NRXN3: variants seen among roughly 807,000 people sequenced by gnomAD.
NRXN3 encodes neurexin III.
In NRXN3, 32 loss-of-function variants were observed where a neutral mutation model predicts 137.6. The ratio of observed to expected loss-of-function variants is 0.23; its 90% CI spans 0.18 to 0.31. The LOEUF (loss-of-function observed/expected upper bound fraction) is 0.31. NRXN3 is among the 10% of genes least tolerant of loss of function. The probability of loss-of-function intolerance (pLI) is 1.00; values close to 1 mark genes in which losing one functional copy is unlikely to be tolerated. For synonymous variants in NRXN3, 798 were observed against 784.5 expected (o/e 1.02, Z -0.29); for missense variants, 1,574 against 2,062.5 (o/e 0.76, Z 4.59).
Position 78,916,370 on chromosome 14 carries a change from T to C in NRXN3, c.2276-40872T>C, listed in dbSNP as rs762921433. ...GTTCCAAAGAAATAAACCAAGACAG[T>C]TAATGCAGAGTTTTGGTAGAAGGGA... On this transcript the variant is annotated intron_variant, in intron 10 of 20. Coordinates refer to ENST00000335750, the MANE Select transcript of NRXN3 (RefSeq NM_001330195.2). Among the ~76,000 whole-genome samples the C allele has an allele frequency of 3.3e-5, 5 of 152,082 alleles. No individual in the cohort carries two copies. The South Asian group carries it at 1.0e-3, about 32-fold the overall frequency.
intron 6 of NRXN3, among the ~76,000 whole-genome samples, chr14:78,685,450 G>T (rs1431370871): frequency 2.0e-5 from 3 of 151,926 alleles, no homozygotes; most frequent in Non-Finnish European, 4.4e-5. Flanking sequence ...TCTCCAATGT[G>T]CACCTCCTCA....
chr14:78,913,246 TTTTCTTTCTTTCTTTC>T (rs1277509308), intron 10 of NRXN3, among the ~76,000 whole-genome samples: 1 of 112,978 alleles, frequency 8.9e-6, no homozygotes, highest in Non-Finnish European at 1.6e-5. Flanking sequence ...TTTTCCTTTC[TTTTCTTTCTTTCTTTC>T]TTTCTTTCTT....
At chr14:79,410,373 T>C (rs1040871911) in intron 15 of NRXN3, among the ~76,000 whole-genome samples, 2 of 152,056 alleles carry the variant, frequency 1.3e-5, no homozygotes, top group Admixed American at 6.6e-5. Context: ...ATCATCAATG[T>C]ATTATTTATA....
At chr14:79,396,708 G>A (rs543477132) in intron 15 of NRXN3, among the ~76,000 whole-genome samples, 91 of 152,264 alleles carry the variant, frequency 6.0e-4, no homozygotes, top group Non-Finnish European at 9.6e-4. Context: ...AGTCCGCGCT[G>A]TATCTTTTTA....
intron 15 of NRXN3, among the ~76,000 whole-genome samples, chr14:79,177,251 G>A (rs1227780301): frequency 1.3e-5 from 2 of 152,054 alleles, no homozygotes; most frequent in Admixed American, 1.3e-4. Flanking sequence ...AGTCTGGTTG[G>A]CGTTATAAAT....
At chr14:78,816,199 T>G (rs1289809686) in intron 10 of NRXN3, among the ~76,000 whole-genome samples, 1 of 152,170 alleles carries the variant, frequency 6.6e-6, no homozygotes, top group Non-Finnish European at 1.5e-5. Flanking sequence ...TGGTTTATTT[T>G]AAAATAGTTA....
At chr14:78,756,246 A>C (rs1595552277) in intron 8 of NRXN3, among the ~76,000 whole-genome samples, 1 of 152,118 alleles carries the variant, frequency 6.6e-6, no homozygotes, top group African/African-American at 2.4e-5. Flanking sequence ...CTAGCACTTT[A>C]GGAGGCTGAG....
chr14:79,638,825 C>T (rs2098418565), intron 16 of NRXN3, among the ~76,000 whole-genome samples: 1 of 152,196 alleles, frequency 6.6e-6, no homozygotes, highest in African/African-American at 2.4e-5. Context: ...GGAGAAGGCG[C>T]TGAGGCTTAC....
intron 2 of NRXN3, among the ~76,000 whole-genome samples, chr14:78,271,585 C>A (rs1447245639): frequency 1.3e-5 from 2 of 152,170 alleles, no homozygotes; most frequent in Non-Finnish European, 2.9e-5. Flanking sequence ...CAAGCCAGAG[C>A]CACTGCAAGT....
At chr14:79,564,386 T>C (rs2097529183) in intron 16 of NRXN3, among the ~76,000 whole-genome samples, 1 of 152,274 alleles carries the variant, frequency 6.6e-6, no homozygotes, top group Admixed American at 6.5e-5. Context: ...CAGGTATCTT[T>C]AGTAGAATGT....
intron 15 of NRXN3, among the ~76,000 whole-genome samples, chr14:79,335,488 AAC>A (rs2092177526): frequency 6.6e-6 from 1 of 151,822 alleles, no homozygotes; most frequent in Non-Finnish European, 1.5e-5. Context: ...CCCCTCTATT[AAC>A]AGAGAAAGTT....
At chr14:78,750,789 A>G (rs1010492879) in intron 8 of NRXN3, among the ~76,000 whole-genome samples, 1 of 152,182 alleles carries the variant, frequency 6.6e-6, no homozygotes, top group Admixed American at 6.5e-5. Flanking sequence ...ATGTCTGTTT[A>G]TGAAGACTCA....
chr14:78,613,578 G>GTTTTTTTTTT lies in NRXN3; in HGVS notation c.758-31526_758-31517dup, dbSNP rs57745190. On this transcript the variant is annotated intron_variant, in intron 4 of 20. Coordinates refer to ENST00000335750, the MANE Select transcript of NRXN3 (RefSeq NM_001330195.2). ...AGGAGAAAACTGTCTCACAACCATAGTTTTTTTTTTTTTTTTTTTTTTTTT... is the reference window on the plus strand; with the variant it reads ...AGGAGAAAACTGTCTCACAACCATAGTTTTTTTTTTTTTTTTTTTTTTTTTTTTTTTTTTT... 6.3e-5 allele frequency among the ~76,000 whole-genome samples: 6 copies of GTTTTTTTTTT among 95,124 alleles called. 1 individual carries two copies. The highest frequency in any genetic ancestry group is 2.3e-4 in the African/African-American group (5 of 21,700). The allele number at this position is 95,124 out of a possible 152,430, so 62.4% of individuals were successfully genotyped here.
intron 10 of NRXN3, among the ~76,000 whole-genome samples, chr14:78,932,381 A>G (rs2099324653): frequency 6.6e-6 from 1 of 152,074 alleles, no homozygotes; most frequent in African/African-American, 2.4e-5. Context: ...ATGGCCTTAT[A>G]TTTTAGTTAG....
At chr14:78,905,247 A>G (rs2099211938) in intron 10 of NRXN3, among the ~76,000 whole-genome samples, 2 of 151,964 alleles carry the variant, frequency 1.3e-5, no homozygotes, top group East Asian at 1.9e-4. Context: ...CAAAAATATC[A>G]TATTCTTAAG....
intron 15 of NRXN3, among the ~76,000 whole-genome samples, chr14:79,135,800 A>C (rs1216890039): frequency 2.0e-5 from 3 of 152,188 alleles, no homozygotes; most frequent in Admixed American, 1.3e-4. Flanking sequence ...TTCCTATGAG[A>C]TGGGTACTTT....
At chr14:79,656,163 G>A (rs137916837) in intron 16 of NRXN3, among the ~76,000 whole-genome samples, 154 of 152,304 alleles carry the variant, frequency 1.0e-3, no homozygotes, top group African/African-American at 3.5e-3. Flanking sequence ...CAGGGCTTAA[G>A]GTTTCTTTAT....
intron 16 of NRXN3, among the ~76,000 whole-genome samples, chr14:79,507,897 G>T (rs961587803): frequency 5.3e-5 from 8 of 152,132 alleles, no homozygotes; most frequent in Non-Finnish European, 7.4e-5. Flanking sequence ...CAAGATTTGT[G>T]ATGTCCTACT....
chr14:79,507,178 A>T (rs2096886875), intron 16 of NRXN3, among the ~76,000 whole-genome samples: 1 of 152,216 alleles, frequency 6.6e-6, no homozygotes, highest in African/African-American at 2.4e-5. Context: ...ACGGAAGCTA[A>T]CTTGGAAGGA....
Sources: allele counts gnomAD v4.1 joint callset (sites outside exome capture counted in the v4.1 genomes callset), GRCh38; gene constraint gnomAD v4.1.1; transcripts MANE v1.5; gene names NCBI Gene and HGNC (gene_info 2026-07-23, HGNC 2026-07-21).